Variants in CFAP20DC observed in about 807,000 individuals in gnomAD.
CFAP20DC encodes protein CFAP20DC.
Under a neutral mutation model 101.7 loss-of-function variants are expected in CFAP20DC, and 84 were observed. That is an observed-to-expected ratio of 0.83 (90% CI 0.69 to 0.99). The LOEUF is 0.99. Ranked by LOEUF, CFAP20DC falls within the 50% of genes least tolerant of loss-of-function variation. The pLI is 0.00. For missense variants in CFAP20DC, 1,007 were observed against 970.3 expected (o/e 1.04, Z -0.50); for synonymous variants, 359 against 351.2 (o/e 1.02, Z -0.25).
chr3:58,946,114 T>A (rs1259458981), intron 4 of CFAP20DC, among the ~76,000 whole-genome samples: 2 of 116,174 alleles, frequency 1.7e-5, no homozygotes, highest in African/African-American at 1.0e-4. Context: ...ACTGCCCCAA[T>A]TTTTTTTTTT....
At position 59,002,647 on chromosome 3, in the gene CFAP20DC, T is replaced by G. The variant is rs2093340640; in HGVS notation, c.278+36910A>C. Among the ~76,000 whole-genome samples the G allele has an allele frequency of 6.6e-6, 1 of 152,216 alleles. No homozygotes were observed. The highest frequency in any genetic ancestry group is 2.4e-5 in the African/African-American group (1 of 41,456). ...AAATCTGATCTGATATGTCTGGTGT[T>G]ATCTCCAAGTGCAGCAAAAGATGCC... On this transcript the variant is annotated intron_variant, in intron 4 of 16. Transcript: ENST00000482387. This position sits in a 1 kb window ranked among gnomAD's most constrained non-coding sequence, Gnocchi z 4.5.
chr3:58,742,180 TAAAC>T lies in CFAP20DC; in HGVS notation c.*276_*279del, dbSNP rs1002733190. 3 of 952,456 alleles carry T rather than the reference TAAAC, an allele frequency of 3.1e-6. No individual in the cohort carries two copies. Among genetic ancestry groups the T allele is most frequent in the Non-Finnish European group, 1.3e-6 (1 of 790,638 alleles). 59.0% of individuals were successfully genotyped at this position (952,456 alleles called of 1,614,324 possible). A position where few individuals can be genotyped will look rare whatever the true frequency, so the allele number is the denominator to read the frequency against. ...TTTGTTTACATAAAATTATCTGAAA[TAAAC>T]AAAATTATATGTAGAATGAGAACAA... is the stretch of plus-strand genomic sequence containing the variant. On this transcript the variant is annotated 3_prime_UTR_variant, in exon 17 of 17. Transcript: ENST00000482387.
intron 5 of CFAP20DC, among the ~76,000 whole-genome samples, chr3:58,935,681 C>T (rs1235999702): frequency 1.3e-5 from 2 of 152,118 alleles, no homozygotes; most frequent in African/African-American, 2.4e-5. Flanking sequence ...GAAAGGATTC[C>T]CTATTTAATA....
intron 6 of CFAP20DC, among the ~76,000 whole-genome samples, chr3:58,903,223 T>A (rs2083300074): frequency 6.6e-6 from 1 of 152,318 alleles, no homozygotes; most frequent in South Asian, 2.1e-4. Context: ...CTAATACTAT[T>A]GACAATGCAA....
rs984681968 is a variant in CFAP20DC at position 59,014,121 on chromosome 3, T to A, written c.278+25436A>T. ...CAATATTTATAACCCAAATCTTGCA[T>A]GACTGACTGCAAGCAGTGAGTTAGA... On this transcript the variant is annotated intron_variant, in intron 4 of 16. Transcript: ENST00000482387. This position sits in a 1 kb window ranked among gnomAD's most constrained non-coding sequence, Gnocchi z 4.9. 6.6e-6 allele frequency among the ~76,000 whole-genome samples: 1 copy of A among 152,186 alleles called. No homozygotes were observed. Among genetic ancestry groups the A allele is most frequent in the Non-Finnish European group, 1.5e-5 (1 of 68,020 alleles).
chr3:58,992,408 T>G (rs980028671), intron 4 of CFAP20DC: 10 of 201,398 alleles, frequency 5.0e-5, no homozygotes, highest in African/African-American at 2.1e-4. Flanking sequence ...GGGGAGTGAG[T>G]GGCATATGGC....
intron 14 of CFAP20DC, among the ~76,000 whole-genome samples, chr3:58,811,529 C>T (rs956822035): frequency 1.3e-5 from 2 of 152,076 alleles, no homozygotes; most frequent in African/African-American, 4.8e-5. Context: ...TGGATTCCTT[C>T]CTTATACCTT....
intron 5 of CFAP20DC, among the ~76,000 whole-genome samples, chr3:58,921,125 C>G (rs2085317999): frequency 6.6e-6 from 1 of 151,942 alleles, no homozygotes; most frequent in Admixed American, 6.6e-5. Flanking sequence ...TTGGTATTGG[C>G]AATGTGTATG....
chr3:58,961,378 AC>A (rs1213519213), intron 4 of CFAP20DC, among the ~76,000 whole-genome samples: 1 of 152,022 alleles, frequency 6.6e-6, no homozygotes, highest in Admixed American at 6.6e-5. Context: ...ACATGGTGAA[AC>A]CCCGTCTCTA....
chr3:58,936,956 CAAAA>C (rs35351829), intron 5 of CFAP20DC, among the ~76,000 whole-genome samples: 2 of 140,294 alleles, frequency 1.4e-5, no homozygotes, highest in African/African-American at 5.4e-5. Flanking sequence ...AAATTTAAGC[CAAAA>C]AAAAAAAAGA....
intron 4 of CFAP20DC, among the ~76,000 whole-genome samples, chr3:59,019,320 C>CA (rs1560001228): frequency 6.6e-6 from 1 of 152,004 alleles, no homozygotes; most frequent in South Asian, 2.1e-4. Context: ...CCTGAGCATA[C>CA]AACCAGACTA....
chr3:59,036,778 C>T (rs954231672), intron 4 of CFAP20DC, among the ~76,000 whole-genome samples: 1 of 151,776 alleles, frequency 6.6e-6, no homozygotes, highest in South Asian at 2.1e-4. Context: ...TTAGAAAAAA[C>T]TACTTTAAAT....
chr3:58,787,096 A>T (rs888012258), intron 15 of CFAP20DC, among the ~76,000 whole-genome samples: 4 of 151,996 alleles, frequency 2.6e-5, no homozygotes, highest in Non-Finnish European at 5.9e-5. Flanking sequence ...CTATAAAAAT[A>T]TAAAAGTAAT....
At chr3:58,973,823 G>C (rs1357260544) in intron 4 of CFAP20DC, among the ~76,000 whole-genome samples, 2 of 152,164 alleles carry the variant, frequency 1.3e-5, no homozygotes, top group Non-Finnish European at 2.9e-5. Context: ...GGCAAGGGAA[G>C]GAACTAGAGT....
At chr3:58,805,143 A>G (rs1054956942) in intron 15 of CFAP20DC, among the ~76,000 whole-genome samples, 1 of 152,176 alleles carries the variant, frequency 6.6e-6, no homozygotes, top group African/African-American at 2.4e-5. Context: ...CACTAATCAC[A>G]TTCTCTTTCT....
At chr3:58,749,557 C>G (rs1005361775) in intron 16 of CFAP20DC, among the ~76,000 whole-genome samples, 1 of 152,146 alleles carries the variant, frequency 6.6e-6, no homozygotes, top group African/African-American at 2.4e-5. Flanking sequence ...TAATCAACAA[C>G]CATATGGGAA....
At chr3:58,880,798 T>C (rs985069860) in intron 7 of CFAP20DC, among the ~76,000 whole-genome samples, 2 of 152,112 alleles carry the variant, frequency 1.3e-5, no homozygotes, top group Non-Finnish European at 2.9e-5. Flanking sequence ...ATGTTTCACT[T>C]TTATTGAAGA....
At position 58,863,524 on chromosome 3, in the gene CFAP20DC, G is replaced by A; in HGVS notation, c.1593+34C>T. On this transcript the variant is annotated intron_variant, in intron 12 of 16. Coordinates refer to ENST00000482387, the MANE Select transcript of CFAP20DC (RefSeq NM_001394063.1). The surrounding 1 kb of genome is among the most constrained non-coding windows in gnomAD (Gnocchi z 5.9). ...TTATTGGAGCTAAGGAAACAACTGT[G>A]CTTCAAGACTACTTCACTTATCAAG... 1 of 1,610,018 alleles carries A rather than the reference G, an allele frequency of 6.2e-7. No homozygotes were observed.
chr3:58,893,587 C>A (rs1242037289), intron 6 of CFAP20DC, among the ~76,000 whole-genome samples: 1 of 152,044 alleles, frequency 6.6e-6, no homozygotes, highest in African/African-American at 2.4e-5. Context: ...AGGATATTGG[C>A]CTTAAGTTTT....
Sources: gnomAD v4.1 joint callset for allele counts (sites outside exome capture counted in the v4.1 genomes callset) on GRCh38, gnomAD v4.1.1 for gene constraint, Gnocchi (gnomAD v3.1) non-coding constraint, MANE v1.5 for transcripts, NCBI Gene and HGNC (gene_info 2026-07-23, HGNC 2026-07-21) for gene names.